The following WDR72 variants were observed in gnomAD, a reference collection of about 807,000 sequenced individuals.
WDR72 encodes the protein WD repeat-containing protein 72.
WDR72 carries 120 observed loss-of-function variants against 124.2 expected under a neutral mutation model. The observed-to-expected ratio is 0.97, with a 90% CI of 0.83 to 1.12. The LOEUF (loss-of-function observed/expected upper bound fraction) is 1.12. Ranked by LOEUF, WDR72 falls within the 50% of genes most tolerant of loss-of-function variation. WDR72 has a pLI of 0.00. For missense variants in WDR72, 1,387 were observed against 1,278.8 expected (o/e 1.08, Z -1.29); for synonymous variants, 452 against 441.7 (o/e 1.02, Z -0.29).
At chr15:53,689,815 C>G (rs995934157) in intron 13 of WDR72, among the ~76,000 whole-genome samples, 13 of 152,050 alleles carry the variant, frequency 8.5e-5, no homozygotes, top group African/African-American at 3.1e-4. Context: ...TGGAACCAAC[C>G]CAGATGTCCA....
At chr15:53,745,744 C>A (rs552413120) in intron 1 of WDR72, among the ~76,000 whole-genome samples, 1 of 152,186 alleles carries the variant, frequency 6.6e-6, no homozygotes, top group Non-Finnish European at 1.5e-5. Flanking sequence ...TATCTCTAAG[C>A]TGAAGACAAA....
intron 18 of WDR72, among the ~76,000 whole-genome samples, chr15:53,556,766 T>C (rs1467531878): frequency 6.6e-6 from 1 of 152,286 alleles, no homozygotes; most frequent in East Asian, 1.9e-4. Context: ...TTATAGGCTT[T>C]CTACAACATG....
rs112539635 is a variant in WDR72 at position 53,546,737 on chromosome 15, C to G, written c.3149-23415G>C. ...CAAAATAATCAATAAAACAAACAAA[C>G]CACTAACAAATCTAATCAAGAAGCA... On this transcript the variant is annotated intron_variant, in intron 18 of 19. Transcript: ENST00000360509. Among the ~76,000 whole-genome samples, 576 of 149,648 alleles carry G rather than the reference C, an allele frequency of 3.8e-3. 6 individuals are homozygous for G. The highest frequency in any genetic ancestry group is 0.013 in the African/African-American group (549 of 41,208).
At chr15:53,641,121 C>T (rs1262150463) in intron 14 of WDR72, among the ~76,000 whole-genome samples, 1 of 151,810 alleles carries the variant, frequency 6.6e-6, no homozygotes, top group Non-Finnish European at 1.5e-5. Context: ...TTTTATTCAT[C>T]TGAAGTTTAT....
intron 10 of WDR72, among the ~76,000 whole-genome samples, chr15:53,705,471 T>C (rs200956061): frequency 2.0e-5 from 2 of 98,476 alleles, no homozygotes; most frequent in African/African-American, 8.8e-5. Flanking sequence ...TAAAAAAAAA[T>C]TTTTTTTTTG....
At chr15:53,691,204 TG>T (rs2016828237) in intron 13 of WDR72, among the ~76,000 whole-genome samples, 1 of 152,090 alleles carries the variant, frequency 6.6e-6, no homozygotes, top group East Asian at 1.9e-4. Context: ...CACGTACCAC[TG>T]TGCCTGGCTA....
At chr15:53,638,053 G>A (rs2014690424) in intron 14 of WDR72, among the ~76,000 whole-genome samples, 1 of 152,116 alleles carries the variant, frequency 6.6e-6, no homozygotes, top group Non-Finnish European at 1.5e-5. Context: ...GAAAATGAAT[G>A]CATGAAATAG....
chr15:53,682,256 A>C (rs915538878), intron 13 of WDR72, among the ~76,000 whole-genome samples: 1 of 152,208 alleles, frequency 6.6e-6, no homozygotes, highest in Non-Finnish European at 1.5e-5. Context: ...AATTTCACCA[A>C]AGTGGAGATC....
At chr15:53,689,352 C>T (rs2016757174) in intron 13 of WDR72, among the ~76,000 whole-genome samples, 1 of 149,580 alleles carries the variant, frequency 6.7e-6, no homozygotes, top group Admixed American at 6.6e-5. Context: ...CTACAACGAA[C>T]TCAAACAAAT....
In WDR72 at chr15:53,615,849, A is replaced by G. The variant is rs150548151; in HGVS notation, c.2357T>C (p.Val786Ala). The change falls in exon 15 of 20, where the codon GTA becomes GCA. Residue 786 changes from valine (V) to alanine (A), a missense_variant. Physicochemically the swap from Val to Ala is moderately conservative, Grantham distance 64. Coordinates refer to ENST00000360509, the MANE Select transcript of WDR72 (RefSeq NM_182758.4). ...TGTGTCTATTGTGAGACTGGCATCTACTTTTCTTGATGGCTTAGGCTGCAT... is the reference window on the plus strand; with the variant it reads ...TGTGTCTATTGTGAGACTGGCATCTGCTTTTCTTGATGGCTTAGGCTGCAT... ...KKMQPKPSRK[V>A]DASLTIDTAK... 1.2e-6 allele frequency: 2 copies of G among 1,613,506 alleles called. No homozygotes were observed. Among genetic ancestry groups the G allele is most frequent in the African/African-American group, 2.7e-5 (2 of 74,886 alleles).
intron 14 of WDR72, among the ~76,000 whole-genome samples, chr15:53,636,654 T>A (rs1201489625): frequency 6.6e-6 from 1 of 152,204 alleles, no homozygotes; most frequent in Admixed American, 6.5e-5. Context: ...GAACTCACTA[T>A]GTCTAAGACT....
At chr15:53,735,484 T>G (rs2018327070) in intron 1 of WDR72, among the ~76,000 whole-genome samples, 1 of 152,170 alleles carries the variant, frequency 6.6e-6, no homozygotes, top group Non-Finnish European at 1.5e-5. Context: ...GTTCATTATT[T>G]TAATTATGGT....
intron 17 of WDR72, among the ~76,000 whole-genome samples, chr15:53,602,332 G>A (rs893634049): frequency 6.6e-6 from 1 of 151,886 alleles, no homozygotes; most frequent in Non-Finnish European, 1.5e-5. Flanking sequence ...ACAAAGCTAA[G>A]GTAGGGTTAA....
At chr15:53,762,337 A>G (rs144504297), upstream of WDR72, among the ~76,000 whole-genome samples, 4 of 152,232 alleles carry the variant, frequency 2.6e-5, no homozygotes, top group East Asian at 7.7e-4. Flanking sequence ...CCTGCAGGTT[A>G]GATGTGCTTG....
intron 1 of WDR72, among the ~76,000 whole-genome samples, chr15:53,758,290 A>G (rs2018967866): frequency 6.6e-6 from 1 of 152,158 alleles, no homozygotes; most frequent in Non-Finnish European, 1.5e-5. Flanking sequence ...CATGAGCCAC[A>G]GCGCCCAGCC....
Position 53,615,862 on chromosome 15 carries a change from GC to G in WDR72, c.2343del (p.Lys781AsnfsTer6), listed in dbSNP as rs1342895119. The G allele has an allele frequency of 6.2e-7, 1 of 1,613,502 alleles. No homozygotes were observed. Among genetic ancestry groups the G allele is most frequent in the Non-Finnish European group, 8.5e-7 (1 of 1,179,662 alleles). ...KMKISKKMQP[K>X]PSRKVDASLT... ...AGACTGGCATCTACTTTTCTTGATGGCTTAGGCTGCATTTTTTTGGAGATCT... is the reference window on the plus strand; with the variant it reads ...AGACTGGCATCTACTTTTCTTGATGGTTAGGCTGCATTTTTTTGGAGATCT... On this transcript the variant is annotated frameshift_variant, in exon 15 of 20. Coordinates refer to ENST00000360509, the MANE Select transcript of WDR72 (RefSeq NM_182758.4). LOFTEE classifies it high-confidence loss of function.
chr15:53,548,427 A>T (rs770363486), intron 18 of WDR72, among the ~76,000 whole-genome samples: 2 of 152,182 alleles, frequency 1.3e-5, no homozygotes, highest in Non-Finnish European at 2.9e-5. Context: ...CCTGTTGTGC[A>T]TCCGGATCAT....
At chr15:53,630,271 A>G (rs1362644979) in intron 14 of WDR72, among the ~76,000 whole-genome samples, 1 of 152,240 alleles carries the variant, frequency 6.6e-6, no homozygotes, top group Non-Finnish European at 1.5e-5. Context: ...GTTAATTTCT[A>G]CCAAACATTT....
intron 14 of WDR72, among the ~76,000 whole-genome samples, chr15:53,645,400 T>C (rs7170810): frequency 0.075 from 11,420 of 152,216 alleles, 469 homozygotes; most frequent in South Asian, 0.093. Flanking sequence ...CTCTGGCTAA[T>C]GGACAAACTG....
Sources: gnomAD v4.1 joint callset for allele counts (sites outside exome capture counted in the v4.1 genomes callset) on GRCh38, gnomAD v4.1.1 for gene constraint, MANE v1.5 for transcripts, NCBI Gene and HGNC (gene_info 2026-07-23, HGNC 2026-07-21) for gene names.